Variants in NKAIN3 observed in about 807,000 individuals in gnomAD.
NKAIN3 encodes sodium/potassium-transporting ATPase subunit beta-1-interacting protein 3.
NKAIN3 carries 25 observed loss-of-function variants against 30.2 expected under a neutral mutation model. That is an observed-to-expected ratio of 0.83 (90% CI 0.60 to 1.16). NKAIN3 has a LOEUF of 1.16. Ranked by LOEUF, NKAIN3 falls within the 50% of genes most tolerant of loss-of-function variation. The probability of loss-of-function intolerance (pLI) is 0.00; values close to 1 mark genes in which losing one functional copy is unlikely to be tolerated. For synonymous variants in NKAIN3, 91 were observed against 89.6 expected, an observed-to-expected ratio of 1.02 and a Z score of -0.09; for missense variants, 225 against 254.1, an observed-to-expected ratio of 0.89 and a Z score of 0.78.
chr8:62,656,893 C>T (rs538016389), intron 3 of NKAIN3, among the ~76,000 whole-genome samples: 6 of 152,256 alleles, frequency 3.9e-5, no homozygotes, highest in Non-Finnish European at 7.4e-5. Flanking sequence ...GAAGTGATTA[C>T]TAAATCAACA....
intron 1 of NKAIN3, among the ~76,000 whole-genome samples, chr8:62,555,027 C>CACACAT (rs1809342299): frequency 8.8e-6 from 1 of 113,236 alleles, no homozygotes; most frequent in African/African-American, 3.9e-5. Flanking sequence ...CACACACACA[C>CACACAT]ACACACACAC....
chr8:62,427,806 T>G (rs1804856843), intron 1 of NKAIN3, among the ~76,000 whole-genome samples: 1 of 152,034 alleles, frequency 6.6e-6, no homozygotes. Context: ...ATTGTAATAT[T>G]TCATAACCTG....
intron 3 of NKAIN3, among the ~76,000 whole-genome samples, chr8:62,625,509 G>A (rs1346056857): frequency 1.3e-5 from 2 of 152,000 alleles, no homozygotes; most frequent in Non-Finnish European, 2.9e-5. Context: ...TTTAAGTTTT[G>A]TCTCCACTAC....
chr8:62,392,465 T>G (rs1273813152), intron 1 of NKAIN3, among the ~76,000 whole-genome samples: 2 of 152,000 alleles, frequency 1.3e-5, no homozygotes, highest in African/African-American at 4.8e-5. Flanking sequence ...ATATTGAAAT[T>G]TTGCTGTATT....
chr8:62,305,669 A>G (rs2351654), intron 1 of NKAIN3, among the ~76,000 whole-genome samples: 2,725 of 150,566 alleles, frequency 0.018, 304 homozygotes, highest in African/African-American at 0.062. Flanking sequence ...TCTAAACACC[A>G]TGGTGTCTCC....
At chr8:62,759,508 G>C (rs1378829424) in intron 4 of NKAIN3, among the ~76,000 whole-genome samples, 1 of 152,076 alleles carries the variant, frequency 6.6e-6, no homozygotes, top group Non-Finnish European at 1.5e-5. Context: ...GCCTGAGCTA[G>C]AATAGCATGA....
At chr8:62,457,394 C>A (rs975250538) in intron 1 of NKAIN3, among the ~76,000 whole-genome samples, 2 of 152,170 alleles carry the variant, frequency 1.3e-5, no homozygotes, top group African/African-American at 4.8e-5. Flanking sequence ...AGCTCTCTGT[C>A]ACCAGTAGTG....
chr8:62,507,733 T>C (rs983313124), intron 1 of NKAIN3, among the ~76,000 whole-genome samples: 4 of 152,108 alleles, frequency 2.6e-5, no homozygotes, highest in African/African-American at 7.2e-5. Context: ...TCTCCCACAA[T>C]AGGAAGAAAT....
At chr8:62,472,711 T>C (rs1806390935) in intron 1 of NKAIN3, among the ~76,000 whole-genome samples, 1 of 152,186 alleles carries the variant, frequency 6.6e-6, no homozygotes. Context: ...TGAAAAGAGT[T>C]GCAAATGAAT....
intron 5 of NKAIN3, among the ~76,000 whole-genome samples, chr8:62,930,652 T>C (rs1822588875): frequency 6.6e-6 from 1 of 152,234 alleles, no homozygotes; most frequent in South Asian, 2.1e-4. Context: ...GTTTATTTAA[T>C]GTCCCATAAG....
chr8:62,771,090 A>C (rs1469692164), intron 4 of NKAIN3, among the ~76,000 whole-genome samples: 1 of 152,120 alleles, frequency 6.6e-6, no homozygotes, highest in African/African-American at 2.4e-5. Flanking sequence ...AAGACTTCAA[A>C]GTATTAATTA....
At chr8:62,673,076 A>C (rs1415028037) in intron 3 of NKAIN3, among the ~76,000 whole-genome samples, 6 of 152,206 alleles carry the variant, frequency 3.9e-5, no homozygotes, top group Admixed American at 3.9e-4. Context: ...AAAGTCTAGC[A>C]GCTTTCTCAA....
intron 1 of NKAIN3, among the ~76,000 whole-genome samples, chr8:62,395,272 C>T (rs1272256138): frequency 6.9e-6 from 1 of 145,400 alleles, no homozygotes; most frequent in Non-Finnish European, 1.5e-5. Flanking sequence ...ACTTCCCAGA[C>T]ATTGCGCGGG....
At chr8:62,987,322 G>A (rs188653507), downstream of NKAIN3, among the ~76,000 whole-genome samples, 2 of 152,206 alleles carry the variant, frequency 1.3e-5, no homozygotes, top group East Asian at 1.9e-4. Context: ...GATTCTTGGA[G>A]AATCACAGCT....
chr8:62,472,934 A>G (rs756529720), intron 1 of NKAIN3, among the ~76,000 whole-genome samples: 4 of 152,112 alleles, frequency 2.6e-5, no homozygotes, highest in South Asian at 2.1e-4. Flanking sequence ...AGCTGCACCA[A>G]CACAAACTCT....
chr8:62,835,117 A>G (rs1463745351), intron 4 of NKAIN3, among the ~76,000 whole-genome samples: 1 of 152,192 alleles, frequency 6.6e-6, no homozygotes, highest in Non-Finnish European at 1.5e-5. Flanking sequence ...ATCACTGGCT[A>G]GCCACATTCA....
At chr8:62,863,466 A>C (rs2130790787) in intron 4 of NKAIN3, 1 of 1,551,460 alleles carries the variant, frequency 6.4e-7, no homozygotes, top group Non-Finnish European at 8.8e-7. Flanking sequence ...CTTGAAGGAA[A>C]TGTCAAATGA....
intron 4 of NKAIN3, among the ~76,000 whole-genome samples, chr8:62,835,360 A>G (rs1345133218): frequency 6.6e-6 from 1 of 152,166 alleles, no homozygotes; most frequent in Non-Finnish European, 1.5e-5. Context: ...ACAACAAAAG[A>G]TACTATTGAC....
At chr8:62,576,575 T>C (rs1810115883) in intron 1 of NKAIN3, among the ~76,000 whole-genome samples, 1 of 152,154 alleles carries the variant, frequency 6.6e-6, no homozygotes, top group Non-Finnish European at 1.5e-5. Flanking sequence ...CTAGGTGCCA[T>C]ATTCAGTGGT....
Sources: gnomAD v4.1 joint callset for allele counts (sites outside exome capture counted in the v4.1 genomes callset) on GRCh38, gnomAD v4.1.1 for gene constraint, MANE v1.5 for transcripts, NCBI Gene and HGNC (gene_info 2026-07-23, HGNC 2026-07-21) for gene names.